Variants in SGCZ observed in about 807,000 individuals in gnomAD.
The protein encoded by SGCZ is zeta-sarcoglycan.
SGCZ carries 40 observed loss-of-function variants against 41.3 expected under a neutral mutation model. The ratio of observed to expected loss-of-function variants is 0.97; its 90% CI spans 0.75 to 1.26. The LOEUF is 1.26. Among genes scored for constraint, SGCZ ranks in the 50% most tolerant of loss-of-function variants. SGCZ has a pLI of 0.00. For missense variants in SGCZ, 552 were observed against 369.8 expected, an observed-to-expected ratio of 1.49 and a Z score of -4.04; for synonymous variants, 206 against 137.5, an observed-to-expected ratio of 1.50 and a Z score of -3.49.
chr8:14,777,316 AC>A (rs1800435066), intron 1 of SGCZ, among the ~76,000 whole-genome samples: 1 of 152,202 alleles, frequency 6.6e-6, no homozygotes, highest in African/African-American at 2.4e-5. Flanking sequence ...GATATCATAA[AC>A]GAGTAATATT....
chr8:14,301,501 T>C, intron 3 of SGCZ, among the ~76,000 whole-genome samples: 1 of 152,138 alleles, frequency 6.6e-6, no homozygotes, highest in East Asian at 1.9e-4. Context: ...CTTTCCAAAT[T>C]TCACGGCAGT....
At chr8:14,287,393 G>C (rs952680031) in intron 3 of SGCZ, among the ~76,000 whole-genome samples, 2 of 151,810 alleles carry the variant, frequency 1.3e-5, no homozygotes, top group Admixed American at 1.3e-4. Flanking sequence ...TAACAATTAA[G>C]TGCTAAGACT....
chr8:14,583,289 T>A (rs1262485928), intron 1 of SGCZ, among the ~76,000 whole-genome samples: 4 of 152,008 alleles, frequency 2.6e-5, no homozygotes, highest in African/African-American at 9.7e-5. Context: ...ATGTGTTTTT[T>A]GGCTGCATAA....
intron 1 of SGCZ, among the ~76,000 whole-genome samples, chr8:15,018,636 G>A (rs1277517283): frequency 6.6e-6 from 1 of 152,194 alleles, no homozygotes; most frequent in Non-Finnish European, 1.5e-5. Context: ...TGCAGGGACA[G>A]AGGGGAGAAG....
intron 2 of SGCZ, among the ~76,000 whole-genome samples, chr8:14,455,492 G>A (rs113225323): frequency 3.2e-4 from 38 of 119,724 alleles, no homozygotes; most frequent in African/African-American, 7.4e-4. Context: ...ACACACACAC[G>A]CATATACACA....
intron 5 of SGCZ, among the ~76,000 whole-genome samples, chr8:14,157,866 C>T (rs546989959): frequency 3.9e-5 from 6 of 152,170 alleles, no homozygotes; most frequent in Admixed American, 2.6e-4. Context: ...AGTCTGATTT[C>T]CTATAGATCA....
rs117253378 is a variant in SGCZ at position 15,005,757 on chromosome 8, C to A, written c.39+231828G>T. On this transcript the variant is annotated intron_variant, in intron 1 of 7. Transcript: ENST00000382080. ...AAATTGAACCTTAGCTGATATTTAA[C>A]CTTATTATCAAAAGACTTAACTAGT... Among the ~76,000 whole-genome samples the A allele has an allele frequency of 8.8e-3, 1,343 of 152,100 alleles. 11 individuals are homozygous for A. The highest frequency in any genetic ancestry group is 0.022 in the South Asian group (105 of 4,824).
At chr8:14,674,926 CT>C (rs1808221586) in intron 1 of SGCZ, among the ~76,000 whole-genome samples, 1 of 64,216 alleles carries the variant, frequency 1.6e-5, no homozygotes, top group South Asian at 4.8e-4. Flanking sequence ...CTTTTCTTTT[CT>C]GTTTTTTTTT....
intron 4 of SGCZ, among the ~76,000 whole-genome samples, chr8:14,212,945 G>C (rs1176515462): frequency 2.6e-5 from 4 of 151,958 alleles, no homozygotes; most frequent in Non-Finnish European, 5.9e-5. Context: ...TTCTGGATGG[G>C]ATTAATAGTA....
chr8:14,228,592 G>A (rs1221086661), intron 4 of SGCZ, among the ~76,000 whole-genome samples: 1 of 151,974 alleles, frequency 6.6e-6, no homozygotes, highest in Non-Finnish European at 1.5e-5. Flanking sequence ...TAATTAGTCT[G>A]TGCATTATAT....
At chr8:14,631,347 G>C (rs1045097590) in intron 1 of SGCZ, among the ~76,000 whole-genome samples, 6 of 151,946 alleles carry the variant, frequency 3.9e-5, no homozygotes, top group Non-Finnish European at 8.8e-5. Flanking sequence ...AATTAGTGAC[G>C]TGCTAGAGTT....
At chr8:14,217,567 A>C (rs1421495227) in intron 4 of SGCZ, among the ~76,000 whole-genome samples, 2 of 139,430 alleles carry the variant, frequency 1.4e-5, no homozygotes, top group African/African-American at 4.9e-5. Context: ...AAACAAAAAA[A>C]GCACATGATG....
At chr8:14,737,122 T>A (rs1235310134) in intron 1 of SGCZ, among the ~76,000 whole-genome samples, 2 of 132,720 alleles carry the variant, frequency 1.5e-5, no homozygotes, top group Non-Finnish European at 3.2e-5. Flanking sequence ...AAGATTTATA[T>A]CTATATACTG....
At chr8:14,583,088 A>G (rs1189783588) in intron 1 of SGCZ, among the ~76,000 whole-genome samples, 2 of 149,860 alleles carry the variant, frequency 1.3e-5, no homozygotes, top group Admixed American at 1.3e-4. Context: ...CGCCACACTG[A>G]CTTCCACAAT....
intron 2 of SGCZ, among the ~76,000 whole-genome samples, chr8:14,488,436 G>T (rs1461870): frequency 0.22 from 33,614 of 151,922 alleles, 3,821 homozygotes; most frequent in Admixed American, 0.27. Context: ...GTTTCCTTCT[G>T]ATGCTAGGCC....
intron 2 of SGCZ, among the ~76,000 whole-genome samples, chr8:14,498,830 G>A (rs746538941): frequency 6.6e-6 from 1 of 151,242 alleles, no homozygotes; most frequent in Non-Finnish European, 1.5e-5. Context: ...GCAATATTTT[G>A]CATCGACCCA....
At chr8:14,813,817 G>A (rs912908265) in intron 1 of SGCZ, among the ~76,000 whole-genome samples, 3 of 152,074 alleles carry the variant, frequency 2.0e-5, no homozygotes, top group African/African-American at 7.2e-5. Context: ...GCCAGGCATG[G>A]GGGTGCATGC....
rs150566529 is a variant in SGCZ, at chr8:15,209,186, T to C, written c.39+28399A>G. Among the ~76,000 whole-genome samples the C allele has an allele frequency of 1.6e-3, 244 of 152,214 alleles. 3 individuals carry two copies. The South Asian group carries it at 0.024, about 15-fold the overall frequency. On this transcript the variant is annotated intron_variant, in intron 1 of 7. Transcript: ENST00000382080. ...TTTTAGAGCAATAATTAAATGATTA[T>C]AGTATGAATTTGTGTTGCATTGTCT...
At chr8:14,421,908 T>C (rs919196504) in intron 2 of SGCZ, among the ~76,000 whole-genome samples, 1 of 152,098 alleles carries the variant, frequency 6.6e-6, no homozygotes, top group Non-Finnish European at 1.5e-5. Context: ...AGAATGTTAG[T>C]GGGAAGCTTA....
Sources: gnomAD v4.1 joint callset for allele counts (sites outside exome capture counted in the v4.1 genomes callset) on GRCh38, gnomAD v4.1.1 for gene constraint, MANE v1.5 for transcripts, NCBI Gene and HGNC (gene_info 2026-07-23, HGNC 2026-07-21) for gene names.